The following FAM107A variants were observed in gnomAD, a reference collection of about 807,000 sequenced individuals.
FAM107A encodes the protein actin-associated protein FAM107A.
A neutral mutation model predicts 13.7 loss-of-function variants in FAM107A; 19 were observed. The observed-to-expected ratio is 1.38, with a 90% CI of 0.97 to 2.03. FAM107A has a LOEUF of 2.03. Among genes scored for constraint, FAM107A ranks in the 30% most tolerant of loss-of-function variants. FAM107A has a pLI of 0.00. For missense variants in FAM107A, 203 were observed against 184.4 expected, an observed-to-expected ratio of 1.10 and a Z score of -0.58; for synonymous variants, 82 against 74.5, an observed-to-expected ratio of 1.10 and a Z score of -0.52.
At chr3:58,618,698 G>A (rs2065926349) in intron 1 of FAM107A, among the ~76,000 whole-genome samples, 1 of 152,238 alleles carries the variant, frequency 6.6e-6, no homozygotes, top group Non-Finnish European at 1.5e-5. Context: ...GGGGGAAGGT[G>A]CCCATCTTGG....
At chr3:58,619,990 C>G (rs546788099) in intron 1 of FAM107A, among the ~76,000 whole-genome samples, 1 of 152,090 alleles carries the variant, frequency 6.6e-6, no homozygotes, top group East Asian at 1.9e-4. Context: ...TCCCTTCCCC[C>G]CAGCCTGAAG....
At position 58,609,596 on chromosome 3, in the gene FAM107A, C is replaced by T. The variant is rs542669221; in HGVS notation, c.-70+17820G>A. ...AGTCAACAAACACTGTGAGCACTGC[C>T]CTAGGCCCTAGGGTGGCATGGAGGA... is the stretch of plus-strand genomic sequence containing the variant. On this transcript the variant is annotated intron_variant, in intron 1 of 3. Coordinates refer to the FAM107A transcript ENST00000465970. 7.9e-5 allele frequency among the ~76,000 whole-genome samples: 12 copies of T among 152,338 alleles called. No homozygotes were observed. In the East Asian group the frequency reaches 2.1e-3, roughly 27 times the overall value.
At chr3:58,575,464 C>G (rs1026769977) in intron 1 of FAM107A, among the ~76,000 whole-genome samples, 1 of 152,062 alleles carries the variant, frequency 6.6e-6, no homozygotes, top group African/African-American at 2.4e-5. Context: ...TTGGAGGCAG[C>G]CAGTGGTACC....
chr3:58,572,239 G>A (rs1413500899), intron 1 of FAM107A, among the ~76,000 whole-genome samples: 2 of 152,122 alleles, frequency 1.3e-5, no homozygotes, highest in Non-Finnish European at 2.9e-5. Flanking sequence ...ACACACAGAG[G>A]AGAACTAAAC....
intron 1 of FAM107A, among the ~76,000 whole-genome samples, chr3:58,610,985 C>T (rs2364335): frequency 0.88 from 134,097 of 152,222 alleles, 59,117 homozygotes; most frequent in Admixed American, 0.91. Context: ...GGGGCTGTTA[C>T]CCCTATGCTG....
chr3:58,587,658 T>C (rs1053266586), upstream of FAM107A, among the ~76,000 whole-genome samples: 13 of 152,106 alleles, frequency 8.5e-5, no homozygotes, highest in Admixed American at 5.9e-4. Flanking sequence ...TGGAGGCCTA[T>C]GGAACTCCAC....
chr3:58,604,546 G>T lies in FAM107A; in HGVS notation c.-69-15277C>A, dbSNP rs961631991. 7.2e-4 allele frequency among the ~76,000 whole-genome samples: 110 copies of T among 152,256 alleles called. No individual in the cohort carries two copies. The highest frequency in any genetic ancestry group is 2.6e-3 in the African/African-American group (106 of 41,560). On this transcript the variant is annotated intron_variant, in intron 1 of 3. Coordinates refer to the FAM107A transcript ENST00000465970. The surrounding 1 kb of genome is among the most constrained non-coding windows in gnomAD (Gnocchi z 4.1). ...TAACTTGTTTCTCTCATTGTTGCAC[G>T]TGACAGCCTCACCCACTCCCTGGGC...
At chr3:58,587,304 G>A (rs2065618454), upstream of FAM107A, among the ~76,000 whole-genome samples, 1 of 152,308 alleles carries the variant, frequency 6.6e-6, no homozygotes, top group Non-Finnish European at 1.5e-5. Flanking sequence ...GATGCTACCA[G>A]CATGGGGTTC....
chr3:58,601,809 T>C (rs1385047869), intron 1 of FAM107A, among the ~76,000 whole-genome samples: 1 of 152,240 alleles, frequency 6.6e-6, no homozygotes, highest in Non-Finnish European at 1.5e-5. Context: ...CAAGTCATGC[T>C]AATAATCACC....
chr3:58,567,999 C>T (rs1238468841), intron 2 of FAM107A, among the ~76,000 whole-genome samples: 1 of 152,040 alleles, frequency 6.6e-6, no homozygotes, highest in Non-Finnish European at 1.5e-5. Context: ...TGCAGTGGTG[C>T]AATCATAGCT....
intron 1 of FAM107A, among the ~76,000 whole-genome samples, chr3:58,624,392 A>G (rs2065989393): frequency 6.6e-6 from 1 of 152,202 alleles, no homozygotes; most frequent in Non-Finnish European, 1.5e-5. Context: ...AAGAACAGAA[A>G]CAACAATGTC....
chr3:58,577,706 A>G, upstream of FAM107A: 3 of 985,372 alleles, frequency 3.0e-6, no homozygotes, highest in South Asian at 9.4e-5. The surrounding 1 kb of genome is among the most constrained non-coding windows in gnomAD (Gnocchi z 4.9). Flanking sequence ...TGGGAGGGTC[A>G]GGCAAGAGTG....
At chr3:58,574,025 G>A (rs376569259) in intron 1 of FAM107A, among the ~76,000 whole-genome samples, 1 of 152,216 alleles carries the variant, frequency 6.6e-6, no homozygotes, top group African/African-American at 2.4e-5. Flanking sequence ...AGAGTTGAGC[G>A]CTTGGGGCTG....
chr3:58,604,260 A>G lies in FAM107A; in HGVS notation c.-69-14991T>C, dbSNP rs2065775164. ...CAGTCTCTGCCCACAATTCAACATT[A>G]TTATACTTGGGAGAGTGACATCCCA... On this transcript the variant is annotated intron_variant, in intron 1 of 3. Transcript: ENST00000465970. This position sits in a 1 kb window ranked among gnomAD's most constrained non-coding sequence, Gnocchi z 4.1. Among the ~76,000 whole-genome samples, 1 of 152,084 alleles carries G rather than the reference A, an allele frequency of 6.6e-6. No homozygotes were observed. The highest frequency in any genetic ancestry group is 1.5e-5 in the Non-Finnish European group (1 of 68,022).
chr3:58,583,761 G>A (rs902785398), intron 1 of FAM107A, among the ~76,000 whole-genome samples: 1 of 151,884 alleles, frequency 6.6e-6, no homozygotes, highest in Non-Finnish European at 1.5e-5. Context: ...GCTCATGGCA[G>A]CCTCAACTCT....
upstream of FAM107A, among the ~76,000 whole-genome samples, chr3:58,590,639 G>A (rs2065647536): frequency 6.6e-6 from 1 of 152,192 alleles, no homozygotes; most frequent in South Asian, 2.1e-4. Flanking sequence ...CAGCAGGAGA[G>A]ACAGAGAGAG....
At chr3:58,590,765 G>T (rs571146250), upstream of FAM107A, among the ~76,000 whole-genome samples, 1 of 152,136 alleles carries the variant, frequency 6.6e-6, no homozygotes, top group Non-Finnish European at 1.5e-5. Flanking sequence ...CTCCCACTAG[G>T]TCCCTCCCTT....
At chr3:58,624,305 G>A (rs975665048) in intron 1 of FAM107A, among the ~76,000 whole-genome samples, 3 of 152,218 alleles carry the variant, frequency 2.0e-5, no homozygotes, top group African/African-American at 7.2e-5. Flanking sequence ...AGAGGCCAGG[G>A]TACCCACCTT....
In FAM107A at chr3:58,613,393, C is replaced by A. The variant is rs138990248; in HGVS notation, c.-70+14023G>T. ...TGACTCTAGTGAGCTGACCTCAGCC[C>A]TCCCGTGCCAAGATCCTTGGCCTGG... On this transcript the variant is annotated intron_variant, in intron 1 of 3. Coordinates refer to the FAM107A transcript ENST00000465970. The surrounding 1 kb of genome is among the most constrained non-coding windows in gnomAD (Gnocchi z 4.6). Among the ~76,000 whole-genome samples, 19 of 152,226 alleles carry A rather than the reference C, an allele frequency of 1.2e-4. No individual in the cohort carries two copies. Among genetic ancestry groups the A allele is most frequent in the Admixed American group, 3.9e-4 (6 of 15,294 alleles).
Sources: allele counts gnomAD v4.1 joint callset (sites outside exome capture counted in the v4.1 genomes callset), GRCh38; gene constraint gnomAD v4.1.1; non-coding constraint Gnocchi (gnomAD v3.1); transcripts MANE v1.5; gene names NCBI Gene and HGNC (gene_info 2026-07-23, HGNC 2026-07-21).